Variants in PLCH2 observed in about 807,000 individuals in gnomAD.
PLCH2 encodes the protein phospholipase C eta 2.
A neutral mutation model predicts 134.7 loss-of-function variants in PLCH2; 98 were observed. The ratio of observed to expected loss-of-function variants is 0.73; its 90% CI spans 0.62 to 0.86. The LOEUF is 0.86. Ranked by LOEUF, PLCH2 falls within the 40% of genes least tolerant of loss-of-function variation. The pLI is 0.00. For synonymous variants in PLCH2, 974 were observed against 827.5 expected, an observed-to-expected ratio of 1.18 and a Z score of -3.04; for missense variants, 1,994 against 1,986.6, an observed-to-expected ratio of 1.00 and a Z score of -0.07.
chr1:2,432,077 G>A (rs910171065), intron 2 of PLCH2, among the ~76,000 whole-genome samples: 6 of 152,182 alleles, frequency 3.9e-5, no homozygotes, highest in African/African-American at 1.2e-4. Flanking sequence ...GGAGCCTCGT[G>A]CATTTACCAG....
chr1:2,503,910 A>ACCCCCCCCCCCC lies in PLCH2; in HGVS notation c.2960-10_2960-9insCCCCCCCCCCCC. 1 of 266,700 alleles carries ACCCCCCCCCCCC rather than the reference A, an allele frequency of 3.7e-6. No homozygotes were observed. Among genetic ancestry groups the ACCCCCCCCCCCC allele is most frequent in the Non-Finnish European group, 6.5e-6 (1 of 153,076 alleles). 16.5% of individuals were successfully genotyped at this position (266,700 alleles called of 1,614,324 possible). Reference sequence around the variant, plus strand: ...CCCTCTGGCTCTCTCTCACTCCCCCACCTCCCCACAGACACCCGCCCCCTC... The same window carrying ACCCCCCCCCCCC: ...CCCTCTGGCTCTCTCTCACTCCCCCACCCCCCCCCCCCCCTCCCCACAGACACCCGCCCCCTC... On this transcript the variant is annotated splice_polypyrimidine_tract_variant and intron_variant, in intron 21 of 21. Coordinates refer to ENST00000378486, the MANE Select transcript of PLCH2 (RefSeq NM_014638.4).
chr1:2,489,692 T>C (rs1642463909), intron 9 of PLCH2, 68 bp from the exon 10 acceptor site: 1 of 1,282,304 alleles, frequency 7.8e-7, no homozygotes, highest in African/African-American at 1.5e-5. Flanking sequence ...CGGCTCTTTG[T>C]GGGTGCCAGG....
Position 2,491,210 on chromosome 1 carries a change from C to A in PLCH2, c.1534C>A (p.Arg512Ser), listed in dbSNP as rs748035129. ...CCTGCAGGCATCCACCAATCGAAAG[C>A]GTGTAGAAAACACTGCTAAGAGGAA... ...LNGDASTNRKRVENTAKRKLD... is the reference protein window; with the variant it reads ...LNGDASTNRKSVENTAKRKLD... Residue 512 changes from arginine (R) to serine (S), a missense_variant, in exon 11 of 22, where the codon CGT becomes AGT. This residue lies in a region of PLCH2 where 1,094 missense variants were observed against 1,234.3 expected (regional missense o/e 0.89). Transcript: ENST00000378486. 1 of 1,612,694 alleles carries A rather than the reference C, an allele frequency of 6.2e-7. No individual in the cohort carries two copies.
chr1:2,457,824 G>A (rs1640569410), intron 2 of PLCH2, among the ~76,000 whole-genome samples: 1 of 151,062 alleles, frequency 6.6e-6, no homozygotes, highest in South Asian at 2.1e-4. Context: ...CCAGCCCTTG[G>A]ATGATCTTTC....
At position 2,439,211 on chromosome 1, in the gene PLCH2, C is replaced by T. The variant is rs1316736737; in HGVS notation, c.115+8582C>T. On this transcript the variant is annotated intron_variant, in intron 2 of 3. Coordinates refer to the PLCH2 transcript ENST00000609981. This position sits in a 1 kb window ranked among gnomAD's most constrained non-coding sequence, Gnocchi z 4.7. ...AAGGGTGTGTCAGGCCTCAATGATT[C>T]CTAAGGGCAGGCAGTGCCTATAAAG... 6.6e-6 allele frequency among the ~76,000 whole-genome samples: 1 copy of T among 151,186 alleles called. No homozygotes were observed. The highest frequency in any genetic ancestry group is 6.6e-5 in the Admixed American group (1 of 15,192).
At chr1:2,429,877 G>C (rs1463276543) in intron 1 of PLCH2, among the ~76,000 whole-genome samples, 2 of 152,146 alleles carry the variant, frequency 1.3e-5, no homozygotes, top group Admixed American at 6.5e-5. Flanking sequence ...GGGCTGGGGG[G>C]GCCGGCCTCA....
rs774037572 is a variant in PLCH2 at position 2,494,989 on chromosome 1, A to AGTGTCCTCCCTGCTCCCAGTGCCCC, written c.1752+92_1752+116dup. 6.0e-4 allele frequency: 830 copies of AGTGTCCTCCCTGCTCCCAGTGCCCC among 1,374,700 alleles called. 11 individuals carry two copies. Among genetic ancestry groups the AGTGTCCTCCCTGCTCCCAGTGCCCC allele is most frequent in the South Asian group, 1.2e-3 (96 of 79,944 alleles). The allele number at this position is 1,374,700 out of a possible 1,614,324, so 85.2% of individuals were successfully genotyped here. On this transcript the variant is annotated intron_variant, in intron 12 of 21. Transcript: ENST00000378486. The stretch of plus-strand genomic sequence containing the variant: ...CAGGCCAGGGTCCCGGTCTGGGCCC[A>AGTGTCCTCCCTGCTCCCAGTGCCCC]GTGTCCTCCCTGCTCCCAGTGCCCC...
upstream of PLCH2, among the ~76,000 whole-genome samples, chr1:2,463,937 G>C (rs1057294402): frequency 6.6e-6 from 1 of 152,250 alleles, no homozygotes; most frequent in Non-Finnish European, 1.5e-5. Context: ...GTGTGAACTG[G>C]GGTCTCCTGA....
chr1:2,478,346 G>T, intron 1 of PLCH2, 130 bp from the exon 2 acceptor site: 1 of 1,142,870 alleles, frequency 8.7e-7, no homozygotes, highest in East Asian at 2.5e-5. Context: ...GGCGAGGTGA[G>T]GAGTGGCCGT....
At chr1:2,466,538 G>A (rs990944447), upstream of PLCH2, among the ~76,000 whole-genome samples, 6 of 152,222 alleles carry the variant, frequency 3.9e-5, no homozygotes, top group South Asian at 4.1e-4. Flanking sequence ...AGGTGGCAGC[G>A]GCTCAGAGAG....
At chr1:2,502,052 G>T in intron 20 of PLCH2, 60 bp from the exon 21 acceptor site, 2 of 1,371,378 alleles carry the variant, frequency 1.5e-6, no homozygotes, top group Non-Finnish European at 1.9e-6. Flanking sequence ...GGCCCTGGGG[G>T]AGCAGCTGCA....
At chr1:2,442,711 C>G (rs1020322651) in intron 2 of PLCH2, among the ~76,000 whole-genome samples, 2 of 152,240 alleles carry the variant, frequency 1.3e-5, no homozygotes, top group East Asian at 1.9e-4. Context: ...TGGCTTCCCT[C>G]TAAGGCTGGA....
At chr1:2,479,658 C>T (rs1456987811) in intron 2 of PLCH2, 76 bp from the exon 3 acceptor site, 2 of 1,456,618 alleles carry the variant, frequency 1.4e-6, no homozygotes, top group African/African-American at 2.8e-5. Context: ...TGCTTGGTCT[C>T]CGCAGTGTTG....
chr1:2,480,078 G>T, intron 3 of PLCH2, 101 bp downstream of exon 3: 2 of 1,579,510 alleles, frequency 1.3e-6, no homozygotes, highest in South Asian at 1.2e-5. Context: ...CACTGGGGAA[G>T]TGGCCGGTAG....
At chr1:2,446,687 T>G (rs1639958677) in intron 2 of PLCH2, among the ~76,000 whole-genome samples, 1 of 152,206 alleles carries the variant, frequency 6.6e-6, no homozygotes, top group African/African-American at 2.4e-5. Flanking sequence ...GGAGGCTGCC[T>G]CGGCTGCCCA....
intron 2 of PLCH2, among the ~76,000 whole-genome samples, chr1:2,435,850 T>C (rs1204946141): frequency 6.6e-6 from 1 of 151,866 alleles, no homozygotes; most frequent in Non-Finnish European, 1.5e-5. Context: ...ACCTGGTCTG[T>C]CCAGTGTGGG....
At chr1:2,484,698 G>T in intron 5 of PLCH2, 80 bp downstream of exon 5, 1 of 1,489,626 alleles carries the variant, frequency 6.7e-7, no homozygotes, top group Non-Finnish European at 9.1e-7. Flanking sequence ...TCAGTCAGGG[G>T]ACAGTGGTGA....
intron 10 of PLCH2, among the ~76,000 whole-genome samples, chr1:2,490,831 G>A (rs910722838): frequency 7.9e-5 from 12 of 152,238 alleles, no homozygotes; most frequent in Non-Finnish European, 1.2e-4. Context: ...AGGGAAGGGC[G>A]TCCAACCCAG....
chr1:2,422,161 C>T (rs955677911), upstream of PLCH2, among the ~76,000 whole-genome samples: 7 of 151,924 alleles, frequency 4.6e-5, no homozygotes, highest in African/African-American at 9.7e-5. Flanking sequence ...CTTAGCTACT[C>T]GGGAGGCTGA....
Sources: allele counts gnomAD v4.1 joint callset (sites outside exome capture counted in the v4.1 genomes callset), GRCh38; gene constraint gnomAD v4.1.1; regional missense constraint gnomAD v4.1.1; non-coding constraint Gnocchi (gnomAD v3.1); transcripts MANE v1.5; gene names NCBI Gene and HGNC (gene_info 2026-07-23, HGNC 2026-07-21).